Variants in TMPRSS5 observed in about 807,000 individuals in gnomAD.
The protein encoded by TMPRSS5 is transmembrane protease serine 5.
Under a neutral mutation model 59.7 loss-of-function variants are expected in TMPRSS5, and 45 were observed. The observed-to-expected ratio is 0.75, with a 90% CI of 0.59 to 0.97. The LOEUF (loss-of-function observed/expected upper bound fraction) is 0.97. Among genes scored for constraint, TMPRSS5 ranks in the 50% least tolerant of loss-of-function variants. The probability of loss-of-function intolerance (pLI) is 0.00; values close to 1 mark genes in which losing one functional copy is unlikely to be tolerated. For synonymous variants in TMPRSS5, 225 were observed against 232.0 expected (o/e 0.97, Z 0.27); for missense variants, 585 against 596.7 (o/e 0.98, Z 0.20).
chr11:113,689,524 C>A (rs188889006), intron 12 of TMPRSS5, among the ~76,000 whole-genome samples: 1 of 152,094 alleles, frequency 6.6e-6, no homozygotes, highest in Non-Finnish European at 1.5e-5. Flanking sequence ...AAGGTCGACA[C>A]AGGAAATGGT....
chr11:113,701,104 T>G (rs941536396), intron 1 of TMPRSS5, among the ~76,000 whole-genome samples: 3 of 152,252 alleles, frequency 2.0e-5, no homozygotes, highest in Non-Finnish European at 4.4e-5. Context: ...CTCTTTGCTT[T>G]ATAAATTACT....
rs1361405903 is a variant in TMPRSS5, at chr11:113,693,163, A to G, written c.872T>C (p.Val291Ala). ...GAGGGGGTGTGGGATAATCCTCTCC[A>G]CCAGAGCCCCTTGGTGGGGCCTGAC... ...SAVRPHQGALVERIIPHPLYS... is the reference protein window; with the variant it reads ...SAVRPHQGALAERIIPHPLYS... Residue 291 changes from valine (V) to alanine (A), a missense_variant, in exon 9 of 13, where the codon GTG becomes GCG. Coordinates refer to ENST00000299882, the MANE Select transcript of TMPRSS5 (RefSeq NM_030770.4). 1 of 1,602,472 alleles carries G rather than the reference A, an allele frequency of 6.2e-7. No homozygotes were observed. The highest frequency in any genetic ancestry group is 1.3e-5 in the African/African-American group (1 of 74,688).
Position 113,688,146 on chromosome 11 carries a change from G to A in TMPRSS5, c.*114C>T. The A allele has an allele frequency of 6.8e-7, 1 of 1,463,150 alleles. No homozygotes were observed. Among genetic ancestry groups the A allele is most frequent in the Non-Finnish European group, 9.0e-7 (1 of 1,106,102 alleles). The allele number at this position is 1,463,150 out of a possible 1,614,324, so 90.6% of individuals were successfully genotyped here. On this transcript the variant is annotated 3_prime_UTR_variant, in exon 13 of 13. Transcript: ENST00000299882. ...CTGTTCCTCACACACAGTAGTAGGA[G>A]GTCCATGCGTTCTGTGTCGGAGGCT...
intron 11 of TMPRSS5, 52 bp downstream of exon 11, chr11:113,690,179 C>CCCCCCCCCCCCCCCCCCCCCCCA: frequency 1.1e-6 from 1 of 897,668 alleles, no homozygotes; most frequent in Non-Finnish European, 1.7e-6. Context: ...GCCCCCTGCC[C>CCCCCCCCCCCCCCCCCCCCCCCA]TCCCACCCCC....
intron 7 of TMPRSS5, 129 bp downstream of exon 7, chr11:113,695,271 G>C (rs1952896333): frequency 2.1e-6 from 2 of 939,152 alleles, no homozygotes; most frequent in Non-Finnish European, 1.6e-6. Context: ...CTGGCAGGCA[G>C]ATGGGCAGGT....
At chr11:113,690,487 C>T in intron 10 of TMPRSS5, 114 bp from the exon 11 acceptor site, 2 of 1,450,862 alleles carry the variant, frequency 1.4e-6, no homozygotes, top group Non-Finnish European at 1.8e-6. Flanking sequence ...AAGAGGCGAG[C>T]CCAGGGTGGG....
chr11:113,699,971 T>C (rs1172475503), intron 2 of TMPRSS5, 95 bp downstream of exon 2: 1 of 1,546,266 alleles, frequency 6.5e-7, no homozygotes, highest in Non-Finnish European at 8.7e-7. Context: ...CCATCAATCA[T>C]GTGGGGCTGA....
At chr11:113,698,681 G>A (rs907969367) in intron 4 of TMPRSS5, among the ~76,000 whole-genome samples, 2 of 152,116 alleles carry the variant, frequency 1.3e-5, no homozygotes, top group East Asian at 1.9e-4. Flanking sequence ...CCTGGTCTCC[G>A]GACCTTGCCC....
Position 113,697,433 on chromosome 11 carries a change from T to C in TMPRSS5, c.329-15A>G. The C allele has an allele frequency of 1.2e-6, 2 of 1,612,932 alleles. No homozygotes were observed. Among genetic ancestry groups the C allele is most frequent in the South Asian group, 1.1e-5 (1 of 90,902 alleles). ...TCTGAAAGATACTGAAATCACAGCA[T>C]GAAAACCACATGGGAGAGGATGGTG... is the stretch of plus-strand genomic sequence containing the variant. On this transcript the variant is annotated splice_polypyrimidine_tract_variant and intron_variant, in intron 4 of 12. Transcript: ENST00000299882.
chr11:113,692,069 G>C (rs1952798628), intron 9 of TMPRSS5, among the ~76,000 whole-genome samples: 1 of 151,868 alleles, frequency 6.6e-6, no homozygotes, highest in Admixed American at 6.6e-5. Context: ...TGTATTTTTA[G>C]TAGAGACGGG....
intron 8 of TMPRSS5, chr11:113,693,845 C>T (rs1437029128): frequency 6.6e-6 from 1 of 152,360 alleles, no homozygotes; most frequent in African/African-American, 2.4e-5. Flanking sequence ...AGAGTCCCTG[C>T]TCCTGCAGAG....
rs1565263796 is a variant in TMPRSS5 at position 113,699,268 on chromosome 11, T to TCTCC, written c.206-245_206-242dup. On this transcript the variant is annotated intron_variant, in intron 3 of 12. Coordinates refer to ENST00000299882, the MANE Select transcript of TMPRSS5 (RefSeq NM_030770.4). ...CTCTCTCTCTCTCTCTCTCTCTCTCTCTCCCTCTCTCTCTCTCTCTCTCTG... is the reference window on the plus strand; with the variant it reads ...CTCTCTCTCTCTCTCTCTCTCTCTCTCTCCCTCCCTCTCTCTCTCTCTCTCTCTG... Among the ~76,000 whole-genome samples the TCTCC allele has an allele frequency of 3.0e-5, 2 of 66,730 alleles. 1 individual carries two copies. Among genetic ancestry groups the TCTCC allele is most frequent in the African/African-American group, 1.3e-4 (2 of 14,894 alleles). 43.8% of individuals were successfully genotyped at this position (66,730 alleles called of 152,430 possible). A position where few individuals can be genotyped will look rare whatever the true frequency, so the allele number is the denominator to read the frequency against.
intron 4 of TMPRSS5, among the ~76,000 whole-genome samples, 158 bp from the exon 5 acceptor site, chr11:113,697,576 G>T (rs1034627549): frequency 1.3e-5 from 2 of 152,290 alleles, no homozygotes; most frequent in African/African-American, 4.8e-5. Context: ...AGTGAGACCA[G>T]TCCCAAGAGC....
Position 113,697,401 on chromosome 11 carries a change from T to C in TMPRSS5, c.346A>G (p.Ser116Gly). 6.2e-7 allele frequency: 1 copy of C among 1,613,792 alleles called. No individual in the cohort carries two copies. The change falls in exon 5 of 13, where the codon AGC (serine) becomes GGC (glycine). Residue 116 changes from serine to glycine, a missense_variant. Transcript: ENST00000299882. ...TGCGCTTCCAGCAAGAAGTCTTCGC[T>C]GTTTATTCTGAAAGATACTGAAATC... ...LPKTVSFRIN[S>G]EDFLLEAQVR...
intron 4 of TMPRSS5, among the ~76,000 whole-genome samples, chr11:113,698,489 T>C (rs893921095): frequency 6.6e-6 from 1 of 152,134 alleles, no homozygotes; most frequent in Non-Finnish European, 1.5e-5. Flanking sequence ...CCCCAACTCT[T>C]ACCTGGAGGG....
Position 113,699,279 on chromosome 11 carries a change from CTCTCTCTCTCTCTG to C in TMPRSS5, c.206-266_206-253del, listed in dbSNP as rs1341023974. 1.1e-3 allele frequency among the ~76,000 whole-genome samples: 145 copies of C among 136,318 alleles called. 19 individuals are homozygous for C. The East Asian group carries it at 0.026, about 25-fold the overall frequency. 89.4% of individuals were successfully genotyped at this position (136,318 alleles called of 152,430 possible). On this transcript the variant is annotated intron_variant, in intron 3 of 12. Coordinates refer to ENST00000299882, the MANE Select transcript of TMPRSS5 (RefSeq NM_030770.4). Reference sequence around the variant, plus strand: ...TCTCTCTCTCTCTCTCTCCCTCTCTCTCTCTCTCTCTCTGTCTCTCTCTCTCTCTAGCTGTCTCT... The same window carrying C: ...TCTCTCTCTCTCTCTCTCCCTCTCTCTCTCTCTCTCTCTCTAGCTGTCTCT...
intron 2 of TMPRSS5, 112 bp from the exon 3 acceptor site, chr11:113,699,805 C>A (rs1239388190): frequency 1.4e-6 from 2 of 1,392,286 alleles, no homozygotes; most frequent in Non-Finnish European, 2.0e-6. Context: ...AACAGGACAC[C>A]TCCTCCTGCC....
At chr11:113,704,491 G>A (rs1019812320) in intron 1 of TMPRSS5, among the ~76,000 whole-genome samples, 3 of 152,014 alleles carry the variant, frequency 2.0e-5, no homozygotes, top group Non-Finnish European at 4.4e-5. Context: ...CCATGGCATC[G>A]CTCACAAAGT....
rs1360994103 is a variant in TMPRSS5, at chr11:113,690,937, T to G, written c.967A>C (p.Thr323Pro). The G allele has an allele frequency of 3.8e-6, 6 of 1,582,824 alleles. No homozygotes were observed. The Admixed American group carries it at 9.1e-5, about 24-fold the overall frequency. The change falls in exon 10 of 13, where the codon ACT becomes CCT. Residue 323 changes from threonine (T) to proline (P), a missense_variant and splice_region_variant. Coordinates refer to ENST00000299882, the MANE Select transcript of TMPRSS5 (RefSeq NM_030770.4). Reference protein sequence around the residue: ...RLQTALNFSDTVGAVCLPAKE... With the variant: ...RLQTALNFSDPVGAVCLPAKE... Reference sequence around the variant, plus strand: ...GCCGGCAGGCACACAGCGCCCACAGTGTCTGTAGAGAGGCACATGGTCCTG... The same window carrying G: ...GCCGGCAGGCACACAGCGCCCACAGGGTCTGTAGAGAGGCACATGGTCCTG...
Sources: allele counts gnomAD v4.1 joint callset (sites outside exome capture counted in the v4.1 genomes callset), GRCh38; gene constraint gnomAD v4.1.1; transcripts MANE v1.5; gene names NCBI Gene and HGNC (gene_info 2026-07-23, HGNC 2026-07-21).